The following GPAM variants were observed in gnomAD, a reference collection of about 807,000 sequenced individuals.
GPAM encodes glycerol-3-phosphate acyltransferase 1, mitochondrial.
A neutral mutation model predicts 105.0 loss-of-function variants in GPAM; 56 were observed. The observed-to-expected ratio is 0.53, with a 90% CI of 0.43 to 0.67. The LOEUF is 0.67. Among genes scored for constraint, GPAM ranks in the 30% least tolerant of loss-of-function variants. The pLI is 0.00. For missense variants in GPAM, 855 were observed against 989.8 expected (o/e 0.86, Z 1.83); for synonymous variants, 368 against 354.4 (o/e 1.04, Z -0.43).
chr10:112,223,893 G>C, the GPAM span, among the ~76,000 whole-genome samples: 2 of 152,138 alleles, frequency 1.3e-5, no homozygotes, highest in South Asian at 4.1e-4. Flanking sequence ...CCTTGCCCTA[G>C]AGTCATGGAC....
upstream of GPAM, chr10:112,183,860 G>C (rs1405976341): frequency 6.6e-6 from 1 of 152,316 alleles, no homozygotes; most frequent in Non-Finnish European, 1.5e-5. Flanking sequence ...CAGGGAGCGT[G>C]AGCGGATCCG....
intron 20 of GPAM, 194 bp downstream of exon 20, chr10:112,155,670 G>A: frequency 2.0e-6 from 1 of 505,384 alleles, no homozygotes; most frequent in Non-Finnish European, 3.5e-6. Context: ...AACGTTACGT[G>A]AAAAAAGCCA....
intron 12 of GPAM, among the ~76,000 whole-genome samples, chr10:112,165,849 T>C (rs1847206598): frequency 6.6e-6 from 1 of 152,202 alleles, no homozygotes; most frequent in African/African-American, 2.4e-5. Flanking sequence ...TATTCATTCA[T>C]CCATCTCAAA....
intron 1 of GPAM, among the ~76,000 whole-genome samples, chr10:112,207,227 TACGGG>T (rs1452312203): frequency 6.6e-6 from 1 of 152,178 alleles, no homozygotes; most frequent in African/African-American, 2.4e-5. Flanking sequence ...TCCTATGATG[TACGGG>T]ACAGTCCCCA....
At chr10:112,180,418 T>C (rs541169199) in intron 4 of GPAM, 55 bp downstream of exon 4, 33 of 1,584,740 alleles carry the variant, frequency 2.1e-5, no homozygotes, top group Middle Eastern at 1.7e-4. Context: ...TACTACAAAG[T>C]TGGAAATAAT....
chr10:112,185,593 C>G (rs867206252), upstream of GPAM, among the ~76,000 whole-genome samples: 1 of 143,726 alleles, frequency 7.0e-6, no homozygotes, highest in Non-Finnish European at 1.5e-5. Flanking sequence ...CACACACACA[C>G]ACACACACAC....
intron 1 of GPAM, among the ~76,000 whole-genome samples, chr10:112,192,349 C>T (rs1021338864): frequency 6.6e-6 from 1 of 152,068 alleles, no homozygotes; most frequent in African/African-American, 2.4e-5. Context: ...GGGATGGAGA[C>T]AGTAGGAAGA....
At chr10:112,168,186 TC>T in intron 11 of GPAM, 125 bp downstream of exon 11, 1 of 703,052 alleles carries the variant, frequency 1.4e-6, no homozygotes, top group South Asian at 1.5e-5. Flanking sequence ...CAATCACATT[TC>T]ATACAGTGCT....
upstream of GPAM, among the ~76,000 whole-genome samples, chr10:112,187,330 A>C (rs1295196150): frequency 6.6e-6 from 1 of 152,188 alleles, no homozygotes; most frequent in Non-Finnish European, 1.5e-5. Context: ...TTAAAAACTC[A>C]CTTTAAATAT....
In GPAM at chr10:112,163,728, C is replaced by T; in HGVS notation, c.1396G>A (p.Ala466Thr). Residue 466 changes from alanine (A) to threonine (T), a missense_variant, in exon 14 of 22, where the codon GCA (alanine) becomes ACA (threonine). By Grantham distance (58) the Ala-to-Thr change is moderately conservative. Transcript: ENST00000348367. The stretch of plus-strand genomic sequence containing the variant: ...AATAGAATATGCTCAGCCAGATTTG[C>T]AATCAACCTCCTTCGTAGGGATTCA... The part of the protein sequence containing the change: ...TDESLRRRLI[A>T]NLAEHILFTA... 1 of 1,572,066 alleles carries T rather than the reference C, an allele frequency of 6.4e-7. No individual in the cohort carries two copies.
intron 12 of GPAM, among the ~76,000 whole-genome samples, chr10:112,165,602 ATTGC>A (rs1847200847): frequency 6.6e-6 from 1 of 152,106 alleles, no homozygotes; most frequent in Non-Finnish European, 1.5e-5. Context: ...ACGCAGGAGA[ATTGC>A]TTGAACCTAG....
In GPAM at chr10:112,151,537, T is replaced by C; in HGVS notation, c.*2013A>G. 1.0e-6 allele frequency: 1 copy of C among 985,630 alleles called. No individual in the cohort carries two copies. Among genetic ancestry groups the C allele is most frequent in the Non-Finnish European group, 1.2e-6 (1 of 829,802 alleles). The allele number at this position is 985,630 out of a possible 1,614,324, so 61.1% of individuals were successfully genotyped here. ...AGAGCTAGCAAATCATACATTGCAT[T>C]CCCCAAAGCATCTGAACGTACTTCT... On this transcript the variant is annotated 3_prime_UTR_variant, in exon 22 of 22. Transcript: ENST00000348367.
In GPAM at chr10:112,159,252, G is replaced by A. The variant is rs1048607557; in HGVS notation, c.1902+659C>T. Among the ~76,000 whole-genome samples the A allele has an allele frequency of 6.6e-5, 8 of 121,200 alleles. No individual in the cohort carries two copies. The East Asian group carries it at 1.3e-3, about 19-fold the overall frequency. The allele number at this position is 121,200 out of a possible 152,430, so 79.5% of individuals were successfully genotyped here. ...TTTTTTTTTTTTGAGATGGAGTCTC[G>A]CTCTGTCACTCAGGCTGGAGAACAG... On this transcript the variant is annotated intron_variant, in intron 17 of 21. Coordinates refer to ENST00000348367, the MANE Select transcript of GPAM (RefSeq NM_001244949.2).
upstream of GPAM, among the ~76,000 whole-genome samples, chr10:112,219,770 G>A (rs1848002127): frequency 6.6e-6 from 1 of 152,182 alleles, no homozygotes; most frequent in African/African-American, 2.4e-5. Context: ...GAAGAGATCT[G>A]ATCTAAGCAA....
At position 112,151,749 on chromosome 10, in the gene GPAM, A is replaced by G; in HGVS notation, c.*1801T>C. The G allele has an allele frequency of 1.0e-6, 1 of 985,270 alleles. No individual in the cohort carries two copies. The highest frequency in any genetic ancestry group is 1.2e-6 in the Non-Finnish European group (1 of 829,808). The allele number at this position is 985,270 out of a possible 1,614,324, so 61.0% of individuals were successfully genotyped here. On this transcript the variant is annotated 3_prime_UTR_variant, in exon 22 of 22. Transcript: ENST00000348367. ...AATTTACAATTTAAAGGATGAAAAA[A>G]AGAGACTAGTGAAATGTTTGCTTCC...
At chr10:112,165,916 C>G (rs961410654) in intron 12 of GPAM, among the ~76,000 whole-genome samples, 1 of 151,736 alleles carries the variant, frequency 6.6e-6, no homozygotes, top group African/African-American at 2.4e-5. Context: ...TTTTGGGGTA[C>G]ATGTGATATT....
chr10:112,169,742 C>T (rs372478087), intron 9 of GPAM, among the ~76,000 whole-genome samples: 14 of 152,186 alleles, frequency 9.2e-5, no homozygotes, highest in Admixed American at 5.9e-4. Flanking sequence ...TGTTAGGAAC[C>T]GGGCCACACA....
At position 112,152,902 on chromosome 10, in the gene GPAM, C is replaced by A. The variant is rs201113658; in HGVS notation, c.*648G>T. ...TTGATTACAATATCTCAGTTCCCGACCTAAACTAATATTGTCTGTTTTCAC... is the reference window on the plus strand; with the variant it reads ...TTGATTACAATATCTCAGTTCCCGAACTAAACTAATATTGTCTGTTTTCAC... On this transcript the variant is annotated 3_prime_UTR_variant, in exon 22 of 22. Coordinates refer to ENST00000348367, the MANE Select transcript of GPAM (RefSeq NM_001244949.2). 1 of 190,304 alleles carries A rather than the reference C, an allele frequency of 5.3e-6. No homozygotes were observed. The allele number at this position is 190,304 out of a possible 1,614,324, so 11.8% of individuals were successfully genotyped here. A position where few individuals can be genotyped will look rare whatever the true frequency, so the allele number is the denominator to read the frequency against.
chr10:112,153,812 T>C, intron 21 of GPAM, 146 bp from the exon 22 acceptor site: 1 of 769,166 alleles, frequency 1.3e-6, no homozygotes, highest in East Asian at 2.8e-5. Flanking sequence ...AATGTATGCC[T>C]GGGTGTGTGT....
Sources: gnomAD v4.1 joint callset for allele counts (sites outside exome capture counted in the v4.1 genomes callset) on GRCh38, gnomAD v4.1.1 for gene constraint, MANE v1.5 for transcripts, NCBI Gene and HGNC (gene_info 2026-07-23, HGNC 2026-07-21) for gene names.